The following BNC2 variants were observed in gnomAD, a reference collection of about 807,000 sequenced individuals.
BNC2 encodes zinc finger protein basonuclin-2.
In BNC2, 20 loss-of-function variants were observed where a neutral mutation model predicts 76.3. The ratio of observed to expected loss-of-function variants is 0.26; its 90% confidence interval spans 0.18 to 0.38. The LOEUF is 0.38. Among genes scored for constraint, BNC2 ranks in the 10% least tolerant of loss-of-function variants. The probability of loss-of-function intolerance (pLI) is 1.00; values close to 1 mark genes in which losing one functional copy is unlikely to be tolerated. For missense variants in BNC2, 1,382 were observed against 1,399.8 expected, an observed-to-expected ratio of 0.99 and a Z score of 0.20; for synonymous variants, 582 against 514.8, an observed-to-expected ratio of 1.13 and a Z score of -1.77.
intron 4 of BNC2, among the ~76,000 whole-genome samples, chr9:16,558,382 C>G (rs1245459262): frequency 6.6e-6 from 1 of 152,150 alleles, no homozygotes; most frequent in African/African-American, 2.4e-5. Flanking sequence ...ATCTAGGCTG[C>G]AAGACAATCT....
intron 3 of BNC2, among the ~76,000 whole-genome samples, chr9:16,636,629 A>T (rs1183772704): frequency 6.6e-6 from 1 of 152,166 alleles, no homozygotes; most frequent in Non-Finnish European, 1.5e-5. Flanking sequence ...TAATGCCTAC[A>T]TATCTATATG....
At chr9:16,514,829 A>G (rs1251961997) in intron 5 of BNC2, among the ~76,000 whole-genome samples, 2 of 152,264 alleles carry the variant, frequency 1.3e-5, no homozygotes, top group Non-Finnish European at 2.9e-5. Context: ...GGAGAGAGAA[A>G]TAAGTAGTTG....
chr9:16,718,684 T>A (rs1435405981), intron 3 of BNC2, among the ~76,000 whole-genome samples: 2 of 152,048 alleles, frequency 1.3e-5, no homozygotes, highest in African/African-American at 4.8e-5. Context: ...AAAGCTATAG[T>A]CAAGAAAGGA....
intron 3 of BNC2, among the ~76,000 whole-genome samples, chr9:16,590,228 T>C (rs1819887000): frequency 6.6e-6 from 1 of 152,158 alleles, no homozygotes; most frequent in Non-Finnish European, 1.5e-5. Flanking sequence ...GTTTTGCTCT[T>C]GTTGCCCAGG....
At chr9:16,494,270 A>G (rs1822338975) in intron 5 of BNC2, among the ~76,000 whole-genome samples, 1 of 152,122 alleles carries the variant, frequency 6.6e-6, no homozygotes, top group Non-Finnish European at 1.5e-5. Context: ...CTCCTGTCTC[A>G]GCCTCCTGAG....
intron 1 of BNC2, among the ~76,000 whole-genome samples, chr9:16,799,072 C>G (rs1392113351): frequency 6.6e-6 from 1 of 152,072 alleles, no homozygotes; most frequent in Non-Finnish European, 1.5e-5. Context: ...ATGGCCAGTG[C>G]TTGTCTCCTT....
chr9:16,669,485 T>C (rs1339617079), intron 3 of BNC2, among the ~76,000 whole-genome samples: 1 of 152,164 alleles, frequency 6.6e-6, no homozygotes, highest in East Asian at 1.9e-4. Flanking sequence ...TGGAGCAAAA[T>C]AGCAAATGAG....
At chr9:16,432,598 A>T (rs1490945914) in intron 6 of BNC2, among the ~76,000 whole-genome samples, 2 of 152,188 alleles carry the variant, frequency 1.3e-5, no homozygotes, top group Non-Finnish European at 2.9e-5. Context: ...TGTTAGCTTT[A>T]TGACAGGAAT....
intron 5 of BNC2, among the ~76,000 whole-genome samples, chr9:16,539,717 AG>A (rs1237419272): frequency 0.015 from 2,016 of 134,234 alleles, 230 homozygotes; most frequent in African/African-American, 0.057. Flanking sequence ...GAAGGAAGGA[AG>A]GGGAAGGAAA....
At chr9:16,788,349 CGA>C (rs1300269471) in intron 1 of BNC2, among the ~76,000 whole-genome samples, 3 of 151,598 alleles carry the variant, frequency 2.0e-5, no homozygotes, top group Non-Finnish European at 4.4e-5. Flanking sequence ...GTCAGGAGAT[CGA>C]GACCATCCTG....
intron 5 of BNC2, among the ~76,000 whole-genome samples, chr9:16,545,345 C>CA (rs1363708801): frequency 3.9e-5 from 6 of 152,192 alleles, no homozygotes; most frequent in Admixed American, 3.9e-4. Flanking sequence ...TAATAGTTAG[C>CA]ATTGCCTGGA....
In BNC2 at chr9:16,752,077, G is replaced by A. The variant is rs560107573; in HGVS notation, c.4-13592C>T. On this transcript the variant is annotated intron_variant, in intron 1 of 6. Coordinates refer to ENST00000380672, the MANE Select transcript of BNC2 (RefSeq NM_017637.6). ...CATAAAGATCCAGTTTTTTATGTAC[G>A]GTAACTTGAACTCCTAGCTGAAGAC... 3.9e-5 allele frequency among the ~76,000 whole-genome samples: 6 copies of A among 152,086 alleles called. No homozygotes were observed. The South Asian group carries it at 1.2e-3, about 32-fold the overall frequency.
intron 1 of BNC2, among the ~76,000 whole-genome samples, chr9:16,784,507 A>G (rs1288630913): frequency 2.0e-5 from 3 of 152,208 alleles, no homozygotes; most frequent in African/African-American, 7.2e-5. Flanking sequence ...AGGACACAAT[A>G]TCAAAAGAGT....
chr9:16,581,793 C>G (rs1243260934), intron 4 of BNC2, among the ~76,000 whole-genome samples: 1 of 152,102 alleles, frequency 6.6e-6, no homozygotes, highest in Admixed American at 6.6e-5. Flanking sequence ...TGGACTGAGA[C>G]CTGTTGCTGA....
intron 5 of BNC2, among the ~76,000 whole-genome samples, chr9:16,513,817 G>C (rs140866959): frequency 4.9e-4 from 74 of 152,250 alleles, no homozygotes; most frequent in African/African-American, 1.7e-3. Flanking sequence ...AGCTACAGGT[G>C]AAATACTATG....
chr9:16,623,929 T>C (rs1217284085), intron 3 of BNC2, among the ~76,000 whole-genome samples: 1 of 152,232 alleles, frequency 6.6e-6, no homozygotes, highest in South Asian at 2.1e-4. Context: ...ACAGAGAACA[T>C]GATTTGCTTA....
chr9:16,502,184 G>A (rs888920205), intron 5 of BNC2, among the ~76,000 whole-genome samples: 7 of 152,028 alleles, frequency 4.6e-5, no homozygotes, highest in Non-Finnish European at 1.0e-4. Context: ...GCAACATGGT[G>A]AGATCCCACC....
At chr9:16,566,686 C>T (rs1819178578) in intron 4 of BNC2, among the ~76,000 whole-genome samples, 1 of 152,068 alleles carries the variant, frequency 6.6e-6, no homozygotes, top group Non-Finnish European at 1.5e-5. Context: ...TAGCACAAAT[C>T]ACTAGATTTG....
At chr9:16,450,918 CTT>C (rs1370116215) in intron 5 of BNC2, among the ~76,000 whole-genome samples, 1 of 152,222 alleles carries the variant, frequency 6.6e-6, no homozygotes, top group Non-Finnish European at 1.5e-5. Context: ...TTCTTTTAGT[CTT>C]TGCAGTTAAG....
Sources: gnomAD v4.1 joint callset for allele counts (sites outside exome capture counted in the v4.1 genomes callset) on GRCh38, gnomAD v4.1.1 for gene constraint, MANE v1.5 for transcripts, NCBI Gene and HGNC (gene_info 2026-07-23, HGNC 2026-07-21) for gene names.